Variants in VPS35L observed in about 807,000 individuals in gnomAD.
VPS35L encodes the protein VPS35 endosomal protein-sorting factor-like.
VPS35L carries 83 observed loss-of-function variants against 133.0 expected under a neutral mutation model. The ratio of observed to expected loss-of-function variants is 0.62; its 90% CI spans 0.52 to 0.75. The LOEUF is 0.75. VPS35L is among the 30% of genes least tolerant of loss of function. The probability of loss-of-function intolerance (pLI) is 0.00; values close to 1 mark genes in which losing one functional copy is unlikely to be tolerated. For synonymous variants in VPS35L, 423 were observed against 449.9 expected, an observed-to-expected ratio of 0.94 and a Z score of 0.76; for missense variants, 1,083 against 1,206.8, an observed-to-expected ratio of 0.90 and a Z score of 1.52.
intron 1 of VPS35L, among the ~76,000 whole-genome samples, chr16:19,560,921 C>T (rs1289880767): frequency 6.6e-6 from 1 of 151,130 alleles, no homozygotes; most frequent in African/African-American, 2.4e-5. Flanking sequence ...TCGAGGATTG[C>T]CTGATAGCAT....
chr16:19,559,865 T>C (rs1332701160), intron 1 of VPS35L, among the ~76,000 whole-genome samples: 2 of 152,122 alleles, frequency 1.3e-5, no homozygotes, highest in Non-Finnish European at 2.9e-5. Context: ...TTTTTTGTGT[T>C]TCTAGTAGAA....
chr16:19,591,441 T>A (rs1972039416), intron 7 of VPS35L, among the ~76,000 whole-genome samples: 1 of 151,642 alleles, frequency 6.6e-6, no homozygotes, highest in East Asian at 1.9e-4. Flanking sequence ...ATGGGCCGGG[T>A]GCGGTGGCTC....
At chr16:19,677,956 G>C (rs148636342) in intron 27 of VPS35L, among the ~76,000 whole-genome samples, 1 of 152,118 alleles carries the variant, frequency 6.6e-6, no homozygotes. Context: ...TATCACCCTC[G>C]TTTCACAGAA....
chr16:19,560,819 G>C (rs1971004840), intron 1 of VPS35L, among the ~76,000 whole-genome samples: 1 of 151,380 alleles, frequency 6.6e-6, no homozygotes. Context: ...GATTTGAAAA[G>C]AGGAAAAGTG....
chr16:19,589,173 G>A (rs1301068141), intron 7 of VPS35L, among the ~76,000 whole-genome samples: 1 of 152,130 alleles, frequency 6.6e-6, no homozygotes, highest in Non-Finnish European at 1.5e-5. Context: ...ATTCTGGATA[G>A]TAATGGTCTA....
intron 11 of VPS35L, among the ~76,000 whole-genome samples, chr16:19,609,641 A>G (rs1972647098): frequency 6.6e-6 from 1 of 152,220 alleles, no homozygotes; most frequent in South Asian, 2.1e-4. Flanking sequence ...TTAGATAGCT[A>G]GATAATAAAT....
chr16:19,607,637 TC>T (rs1281270373), intron 9 of VPS35L: 1 of 152,358 alleles, frequency 6.6e-6, no homozygotes, highest in Non-Finnish European at 1.5e-5. Flanking sequence ...TGTTTTACCT[TC>T]CTCTGGCCCA....
chr16:19,624,658 C>T (rs1301422166), intron 14 of VPS35L, among the ~76,000 whole-genome samples: 1 of 151,892 alleles, frequency 6.6e-6, no homozygotes, highest in Non-Finnish European at 1.5e-5. Context: ...ATTGCCCAGA[C>T]TGGTCTTGAA....
chr16:19,571,664 C>A (rs1033277736), intron 3 of VPS35L, among the ~76,000 whole-genome samples: 2 of 152,090 alleles, frequency 1.3e-5, no homozygotes, highest in South Asian at 4.1e-4. Flanking sequence ...CCTGCCTCAG[C>A]CTACCTAGTA....
At chr16:19,592,389 T>A (rs531179049) in intron 8 of VPS35L, among the ~76,000 whole-genome samples, 4 of 151,888 alleles carry the variant, frequency 2.6e-5, no homozygotes, top group Non-Finnish European at 4.4e-5. Context: ...CTGTTTTTCC[T>A]AATCTTGTGA....
chr16:19,657,157 G>A (rs1974333105), intron 26 of VPS35L, among the ~76,000 whole-genome samples: 2 of 151,782 alleles, frequency 1.3e-5, no homozygotes, highest in Admixed American at 1.3e-4. Flanking sequence ...AGTAGAAATG[G>A]GGTTTTACCA....
chr16:19,601,228 C>T (rs1310382179), intron 8 of VPS35L, among the ~76,000 whole-genome samples: 3 of 152,182 alleles, frequency 2.0e-5, no homozygotes, highest in African/African-American at 7.2e-5. Flanking sequence ...TATGCCCAGC[C>T]TCTTCCAGTT....
intron 28 of VPS35L, among the ~76,000 whole-genome samples, chr16:19,687,268 A>T (rs1975495196): frequency 6.6e-6 from 1 of 152,070 alleles, no homozygotes; most frequent in Non-Finnish European, 1.5e-5. Context: ...ATCAAAGTGA[A>T]CTCCAACCTG....
intron 18 of VPS35L, among the ~76,000 whole-genome samples, chr16:19,632,313 C>T (rs1043875282): frequency 2.6e-5 from 4 of 152,136 alleles, no homozygotes; most frequent in East Asian, 3.9e-4. Flanking sequence ...TCTGATTTCC[C>T]CAATTGTCTC....
chr16:19,579,939 C>T (rs1162844606), intron 6 of VPS35L: 1 of 151,778 alleles, frequency 6.6e-6, no homozygotes, highest in African/African-American at 2.4e-5. Context: ...GTGGCTCATG[C>T]CTATAATCCC....
chr16:19,665,021 A>AT (rs953828010), intron 26 of VPS35L, among the ~76,000 whole-genome samples: 29 of 151,824 alleles, frequency 1.9e-4, no homozygotes, highest in African/African-American at 6.8e-4. Context: ...GACAATATAT[A>AT]TTTTTTCCTT....
chr16:19,671,632 C>T (rs904126242), intron 27 of VPS35L, among the ~76,000 whole-genome samples: 10 of 151,850 alleles, frequency 6.6e-5, no homozygotes, highest in Non-Finnish European at 1.2e-4. Context: ...CAAAAATTAG[C>T]CAGGAGTGGT....
At chr16:19,645,697 G>A (rs1310522280) in intron 23 of VPS35L, among the ~76,000 whole-genome samples, 3 of 152,208 alleles carry the variant, frequency 2.0e-5, no homozygotes, top group Non-Finnish European at 4.4e-5. Context: ...AGCCCAGCAG[G>A]TGGGATTCCA....
At chr16:19,650,520 G>T in intron 25 of VPS35L, 61 bp downstream of exon 25, 3 of 1,305,234 alleles carry the variant, frequency 2.3e-6, no homozygotes, top group Non-Finnish European at 3.3e-6. Flanking sequence ...TAGTTTGCAG[G>T]TTACTAAATT....
Sources: allele counts gnomAD v4.1 joint callset (sites outside exome capture counted in the v4.1 genomes callset), GRCh38; gene constraint gnomAD v4.1.1; transcripts MANE v1.5; gene names NCBI Gene and HGNC (gene_info 2026-07-23, HGNC 2026-07-21).